Variants in LRCH4 observed in about 807,000 individuals in gnomAD.
LRCH4 encodes the protein leucine rich repeats and calponin homology domain containing 4.
A neutral mutation model predicts 81.2 loss-of-function variants in LRCH4; 56 were observed. The observed-to-expected ratio is 0.69, with a 90% CI of 0.56 to 0.86. The LOEUF is 0.86. Among genes scored for constraint, LRCH4 ranks in the 40% least tolerant of loss-of-function variants. The probability of loss-of-function intolerance (pLI) is 0.00; values close to 1 mark genes in which losing one functional copy is unlikely to be tolerated. For synonymous variants in LRCH4, 442 were observed against 409.7 expected, an observed-to-expected ratio of 1.08 and a Z score of -0.95; for missense variants, 895 against 922.8, an observed-to-expected ratio of 0.97 and a Z score of 0.39.
rs755768634 is a variant in LRCH4, at chr7:100,575,780, T to G, written c.1779A>C (p.Pro593=). 4.4e-6 allele frequency: 7 copies of G among 1,608,180 alleles called. No individual in the cohort carries two copies. In the African/African-American group the frequency reaches 8.0e-5, roughly 18 times the overall value. The change falls in exon 17 of 18, where the codon CCA becomes CCC. Residue 593 remains proline, a splice_region_variant and synonymous_variant. Transcript: ENST00000310300. The surrounding 1 kb of genome is among the most constrained non-coding windows in gnomAD (Gnocchi z 5.3). The part of the protein sequence containing the change: ...PFIHVPSPAV[P]KLSALKARKN... Reference sequence around the variant, plus strand: ...TCCGAGCCTTGAGGGCACTGAGTTTTGGCTGGGGTGGGTGAAAGAAGAAAA... The same window carrying G: ...TCCGAGCCTTGAGGGCACTGAGTTTGGGCTGGGGTGGGTGAAAGAAGAAAA...
rs1242806904 is a variant in LRCH4 at position 100,578,626 on chromosome 7, T to G, written c.735+24A>C. 1 of 1,610,228 alleles carries G rather than the reference T, an allele frequency of 6.2e-7. No homozygotes were observed. Among genetic ancestry groups the G allele is most frequent in the Non-Finnish European group, 8.5e-7 (1 of 1,177,608 alleles). ...CTGCCTAGCCACACCCCTGTCCTCG[T>G]GGCCCCCCAGGCACCCGCCTCACCT... On this transcript the variant is annotated intron_variant, in intron 5 of 17. Transcript: ENST00000310300. This position sits in a 1 kb window ranked among gnomAD's most constrained non-coding sequence, Gnocchi z 5.7.
intron 15 of LRCH4, 114 bp from the exon 16 acceptor site, chr7:100,576,122 C>T (rs1484437627): frequency 6.7e-7 from 1 of 1,482,480 alleles, no homozygotes; most frequent in Non-Finnish European, 9.2e-7. Flanking sequence ...TTCCTGTCCT[C>T]AGGGGAGGTG....
At position 100,578,414 on chromosome 7, in the gene LRCH4, G is replaced by A. The variant is rs766099566; in HGVS notation, c.833C>T (p.Pro278Leu). 3.1e-6 allele frequency: 5 copies of A among 1,613,660 alleles called. No individual in the cohort carries two copies. Among genetic ancestry groups the A allele is most frequent in the Non-Finnish European group, 4.2e-6 (5 of 1,179,792 alleles). ...TAGGACTTACCAGGGACTGAAACTC[G>A]GGGGCCGAGAAGGGGCCAGGTCCCC... The part of the protein sequence containing the change: ...ALGDLAPSRP[P>L]SFSPCPAEDL... Residue 278 changes from proline to leucine, a missense_variant, in exon 6 of 18, where the codon CCG becomes CTG. Pro to Leu is a moderately conservative substitution (Grantham distance 98). Around this residue, in one of 3 missense-constraint regions of LRCH4, gnomAD observed 360 missense variants for 397.0 expected, o/e 0.91. Transcript: ENST00000310300. The surrounding 1 kb of genome is among the most constrained non-coding windows in gnomAD (Gnocchi z 5.7).
rs750831329 is a variant in LRCH4 at position 100,575,545 on chromosome 7, G to C, written c.1854+160C>G. On this transcript the variant is annotated intron_variant, in intron 17 of 17. Transcript: ENST00000310300. This position sits in a 1 kb window ranked among gnomAD's most constrained non-coding sequence, Gnocchi z 5.3. ...GATGTGTAGGACAGGTGACATGCAG[G>C]GCAGGGGGCATGCAGGGCAGGGGGC... 2.1e-6 allele frequency: 2 copies of C among 947,048 alleles called. No individual in the cohort carries two copies. The allele number at this position is 947,048 out of a possible 1,614,324, so 58.7% of individuals were successfully genotyped here. A position where few individuals can be genotyped will look rare whatever the true frequency, so the allele number is the denominator to read the frequency against.
At position 100,578,151 on chromosome 7, in the gene LRCH4, G is replaced by A. The variant is rs371566067; in HGVS notation, c.948+8C>T. On this transcript the variant is annotated splice_region_variant and intron_variant, in intron 7 of 17. Transcript: ENST00000310300. This position sits in a 1 kb window ranked among gnomAD's most constrained non-coding sequence, Gnocchi z 5.7. The stretch of plus-strand genomic sequence containing the variant: ...ACCCTCAATCACCCATGGACAGGAC[G>A]CCCTTACCTCATTTCCAGACCACCT... 3.7e-5 allele frequency: 59 copies of A among 1,613,666 alleles called. 1 individual carries two copies. The South Asian group carries it at 5.7e-4, about 16-fold the overall frequency.
Position 100,578,439 on chromosome 7 carries a change from C to T in LRCH4, c.808G>A (p.Gly270Arg). The T allele has an allele frequency of 6.2e-7, 1 of 1,614,062 alleles. No homozygotes were observed. The highest frequency in any genetic ancestry group is 8.5e-7 in the Non-Finnish European group (1 of 1,179,988). ...TEAGQRGSAL[G>R]DLAPSRPPSF... ...GGGGGCCGAGAAGGGGCCAGGTCCC[C>T]CAGGGCCGACCCACGCTGCCCGGCC... The change falls in exon 6 of 18, where the codon GGG (glycine) becomes AGG (arginine). Residue 270 changes from glycine (G) to arginine (R), a missense_variant. Coordinates refer to ENST00000310300, the MANE Select transcript of LRCH4 (RefSeq NM_002319.5). The surrounding 1 kb of genome is among the most constrained non-coding windows in gnomAD (Gnocchi z 5.7).
Position 100,582,522 on chromosome 7 carries a change from C to T in LRCH4, c.221-63G>A. ...GCCCAGCCCGGACAGGACCTTCAGT[C>T]CCCCCAGAGCCGGCTGCCCACTCCC... On this transcript the variant is annotated intron_variant, in intron 1 of 17. Coordinates refer to ENST00000310300, the MANE Select transcript of LRCH4 (RefSeq NM_002319.5). This position sits in a 1 kb window ranked among gnomAD's most constrained non-coding sequence, Gnocchi z 5.0. 2 of 1,524,250 alleles carry T rather than the reference C, an allele frequency of 1.3e-6. No individual in the cohort carries two copies. Among genetic ancestry groups the T allele is most frequent in the Non-Finnish European group, 1.8e-6 (2 of 1,130,920 alleles). The allele number at this position is 1,524,250 out of a possible 1,614,324, so 94.4% of individuals were successfully genotyped here.
intron 1 of LRCH4, among the ~76,000 whole-genome samples, chr7:100,584,389 C>G (rs911941671): frequency 6.7e-6 from 1 of 148,794 alleles, no homozygotes; most frequent in African/African-American, 2.5e-5. Flanking sequence ...CACAGGAGCA[C>G]GGCTGCACCC....
Position 100,575,716 on chromosome 7 carries a change from C to T in LRCH4, c.1843G>A (p.Gly615Arg). 1 of 1,614,054 alleles carries T rather than the reference C, an allele frequency of 6.2e-7. No individual in the cohort carries two copies. The highest frequency in any genetic ancestry group is 8.5e-7 in the Non-Finnish European group (1 of 1,179,950). Residue 615 changes from glycine to arginine, a missense_variant, in exon 17 of 18, where the codon GGG becomes AGG. By Grantham distance (125) the Gly-to-Arg change is moderately radical (BLOSUM62 -2). This residue lies in a region of LRCH4 where 529 missense variants were observed against 504.9 expected (regional missense o/e 1.05). Coordinates refer to ENST00000310300, the MANE Select transcript of LRCH4 (RefSeq NM_002319.5). This position sits in a 1 kb window ranked among gnomAD's most constrained non-coding sequence, Gnocchi z 5.3. ...AGCAGCCCCCATACCTCAGGCACCCCCATTTTTCGACAGGCTTCTAGAAAA... is the reference window on the plus strand; with the variant it reads ...AGCAGCCCCCATACCTCAGGCACCCTCATTTTTCGACAGGCTTCTAGAAAA... ...ESFLEACRKM[G>R]VPEADLCSPS...
At position 100,577,858 on chromosome 7, in the gene LRCH4, G is replaced by C. The variant is rs919739720; in HGVS notation, c.1003C>G (p.Pro335Ala). 3 of 1,613,748 alleles carry C rather than the reference G, an allele frequency of 1.9e-6. No individual in the cohort carries two copies. In the African/African-American group the frequency reaches 4.0e-5, roughly 22 times the overall value. Reference sequence around the variant, plus strand: ...TCCTTGCGTTCTCTGGGTCCCCGGGGCTCCCGGGCCAGCTCTGAGATCCGG... The same window carrying C: ...TCCTTGCGTTCTCTGGGTCCCCGGGCCTCCCGGGCCAGCTCTGAGATCCGG... Reference protein sequence around the residue: ...SFRISELAREPRGPRERKEDG... With the variant: ...SFRISELAREARGPRERKEDG... The change falls in exon 8 of 18, where the codon CCC becomes GCC. Residue 335 changes from proline to alanine, a missense_variant. Physicochemically the swap from Pro to Ala is conservative, Grantham distance 27 (BLOSUM62 -1). Around this residue, in one of 3 missense-constraint regions of LRCH4, gnomAD observed 529 missense variants for 504.9 expected, o/e 1.05. Transcript: ENST00000310300. This position sits in a 1 kb window ranked among gnomAD's most constrained non-coding sequence, Gnocchi z 6.7.
At position 100,585,940 on chromosome 7, in the gene LRCH4, A is replaced by C. The variant is rs1179938670; in HGVS notation, c.161T>G (p.Leu54Trp). ...GGCCGCGCCCCGGGGGAAGTGCTTC[A>C]AGCGCCGGTTAGACAGGTTCAGGGT... Reference protein sequence around the residue: ...TGTLNLSNRRLKHFPRGAARS... With the variant: ...TGTLNLSNRRWKHFPRGAARS... Residue 54 changes from leucine to tryptophan, a missense_variant, in exon 1 of 18, where the codon TTG becomes TGG. Coordinates refer to ENST00000310300, the MANE Select transcript of LRCH4 (RefSeq NM_002319.5). 7.4e-6 allele frequency: 12 copies of C among 1,612,212 alleles called. No individual in the cohort carries two copies. The highest frequency in any genetic ancestry group is 4.5e-5 in the East Asian group (2 of 44,690).
Position 100,577,982 on chromosome 7 carries a change from G to A in LRCH4, c.949-70C>T, listed in dbSNP as rs552286939. On this transcript the variant is annotated intron_variant, in intron 7 of 17. Transcript: ENST00000310300. The surrounding 1 kb of genome is among the most constrained non-coding windows in gnomAD (Gnocchi z 6.7). Reference sequence around the variant, plus strand: ...GGGGGCTCAGGACCTGGGGGGTCCTGTGTGGGACTAAGCTCAGGGTCTCTG... The same window carrying A: ...GGGGGCTCAGGACCTGGGGGGTCCTATGTGGGACTAAGCTCAGGGTCTCTG... The A allele has an allele frequency of 7.1e-7, 1 of 1,408,206 alleles. No homozygotes were observed. Among genetic ancestry groups the A allele is most frequent in the Non-Finnish European group, 1.0e-6 (1 of 1,002,498 alleles). 87.2% of individuals were successfully genotyped at this position (1,408,206 alleles called of 1,614,324 possible).
rs886737232 is a variant in LRCH4 at position 100,578,840 on chromosome 7, G to A, written c.599-54C>T. ...GGAACATGCTCAGGGCTGTGGCCTC[G>A]TGCTCACTCCCTCACCCTTGGCTCC... is the stretch of plus-strand genomic sequence containing the variant. On this transcript the variant is annotated intron_variant, in intron 4 of 17. Transcript: ENST00000310300. This position sits in a 1 kb window ranked among gnomAD's most constrained non-coding sequence, Gnocchi z 5.7. The A allele has an allele frequency of 3.2e-6, 5 of 1,581,566 alleles. No individual in the cohort carries two copies. Among genetic ancestry groups the A allele is most frequent in the South Asian group, 1.2e-5 (1 of 86,000 alleles).
Position 100,575,756 on chromosome 7 carries a change from C to G in LRCH4, c.1803G>C (p.Arg601=). Residue 601 remains arginine, a synonymous_variant, in exon 17 of 18, where the codon CGG becomes CGC. Coordinates refer to ENST00000310300, the MANE Select transcript of LRCH4 (RefSeq NM_002319.5). The surrounding 1 kb of genome is among the most constrained non-coding windows in gnomAD (Gnocchi z 5.3). ...CTTCTAGAAAACTCTCCACATTCTT[C>G]CGAGCCTTGAGGGCACTGAGTTTTG... ...AVPKLSALKA[R]KNVESFLEAC... is the part of the protein sequence containing the mutation. 1 of 1,612,574 alleles carries G rather than the reference C, an allele frequency of 6.2e-7. No individual in the cohort carries two copies. Among genetic ancestry groups the G allele is most frequent in the Non-Finnish European group, 8.5e-7 (1 of 1,178,858 alleles).
Position 100,574,548 on chromosome 7 carries a change from G to A in LRCH4, c.*559C>T, listed in dbSNP as rs1426020973. On this transcript the variant is annotated 3_prime_UTR_variant, in exon 18 of 18. Coordinates refer to ENST00000310300, the MANE Select transcript of LRCH4 (RefSeq NM_002319.5). ...TGGCGGACGCTCCGGGAGCATGAGA[G>A]GCCGGCATCTCAGGAGGGAGATGCT... 2 of 152,532 alleles carry A rather than the reference G, an allele frequency of 1.3e-5. No individual in the cohort carries two copies. The highest frequency in any genetic ancestry group is 2.4e-5 in the African/African-American group (1 of 41,356). 9.4% of individuals were successfully genotyped at this position (152,532 alleles called of 1,614,324 possible).
Position 100,578,351 on chromosome 7 carries a change from G to C in LRCH4, c.848+48C>G, listed in dbSNP as rs1457451336. On this transcript the variant is annotated intron_variant, in intron 6 of 17. Transcript: ENST00000310300. The surrounding 1 kb of genome is among the most constrained non-coding windows in gnomAD (Gnocchi z 5.7). ...AGCAGGGGGTGCCTGGGGCCGGGAA[G>C]GGGCATTCAGTATCCCAGGGCTTCC... 1 of 1,601,128 alleles carries C rather than the reference G, an allele frequency of 6.2e-7. No homozygotes were observed. The highest frequency in any genetic ancestry group is 8.6e-7 in the Non-Finnish European group (1 of 1,168,456).
intron 4 of LRCH4, chr7:100,580,604 AAC>A (rs961958847): frequency 5.3e-5 from 8 of 151,756 alleles, no homozygotes; most frequent in East Asian, 1.9e-4. Context: ...AAACACACAC[AAC>A]AGACATAAAC....
At position 100,583,895 on chromosome 7, in the gene LRCH4, C is replaced by G; in HGVS notation, c.221-1436G>C. ...CTGATGGGGTAGGCGGTGGCGGGGA[C>G]AAAAGCTAGGAGCGGAAGGGAGCTC... On this transcript the variant is annotated intron_variant, in intron 1 of 17. Coordinates refer to ENST00000310300, the MANE Select transcript of LRCH4 (RefSeq NM_002319.5). The surrounding 1 kb of genome is among the most constrained non-coding windows in gnomAD (Gnocchi z 4.3). The G allele has an allele frequency of 3.4e-6, 1 of 291,200 alleles. No individual in the cohort carries two copies. Among genetic ancestry groups the G allele is most frequent in the South Asian group, 2.9e-5 (1 of 34,662 alleles). The allele number at this position is 291,200 out of a possible 1,614,324, so 18.0% of individuals were successfully genotyped here.
rs57199390 is a variant in LRCH4 at position 100,583,468 on chromosome 7, C to G, written c.221-1009G>C. Among the ~76,000 whole-genome samples, 2,390 of 152,274 alleles carry G rather than the reference C, an allele frequency of 0.016. 74 individuals are homozygous for G. Among genetic ancestry groups the G allele is most frequent in the African/African-American group, 0.054 (2,249 of 41,550 alleles). On this transcript the variant is annotated intron_variant, in intron 1 of 17. Coordinates refer to ENST00000310300, the MANE Select transcript of LRCH4 (RefSeq NM_002319.5). This position sits in a 1 kb window ranked among gnomAD's most constrained non-coding sequence, Gnocchi z 4.3. Reference sequence around the variant, plus strand: ...TGGGAGGGGCCCAGGGCCCGCGAGGCGGAGTCCCAGGCCACAGACCTGGTG... The same window carrying G: ...TGGGAGGGGCCCAGGGCCCGCGAGGGGGAGTCCCAGGCCACAGACCTGGTG...
Sources: gnomAD v4.1 joint callset for allele counts (sites outside exome capture counted in the v4.1 genomes callset) on GRCh38, gnomAD v4.1.1 for gene constraint, gnomAD v4.1.1 regional missense constraint, Gnocchi (gnomAD v3.1) non-coding constraint, MANE v1.5 for transcripts, NCBI Gene and HGNC (gene_info 2026-07-23, HGNC 2026-07-21) for gene names.